ST8SIA4: variants seen among roughly 807,000 people sequenced by gnomAD.
ST8SIA4 encodes ST8 alpha-N-acetyl-neuraminide alpha-2,8-sialyltransferase 4.
Under a neutral mutation model 33.9 loss-of-function variants are expected in ST8SIA4, and 15 were observed. That is an observed-to-expected ratio of 0.44 (90% CI 0.30 to 0.68). The LOEUF (loss-of-function observed/expected upper bound fraction) is 0.68. Among genes scored for constraint, ST8SIA4 ranks in the 30% least tolerant of loss-of-function variants. The pLI is 0.10. For missense variants in ST8SIA4, 321 were observed against 428.0 expected, an observed-to-expected ratio of 0.75 and a Z score of 2.21; for synonymous variants, 171 against 151.2, an observed-to-expected ratio of 1.13 and a Z score of -0.96.
At chr5:100,901,023 C>T (rs983940872) in intron 1 of ST8SIA4, among the ~76,000 whole-genome samples, 32 of 152,232 alleles carry the variant, frequency 2.1e-4, no homozygotes, top group African/African-American at 6.0e-4. Flanking sequence ...ACTAGCTCAA[C>T]CGCCGCGCCA....
Position 100,810,982 on chromosome 5 carries a change from C to T in ST8SIA4, c.*865G>A, listed in dbSNP as rs1750803814. 1 of 152,238 alleles carries T rather than the reference C, an allele frequency of 6.6e-6. No homozygotes were observed. The highest frequency in any genetic ancestry group is 1.5e-5 in the Non-Finnish European group (1 of 68,092). 9.4% of individuals were successfully genotyped at this position (152,238 alleles called of 1,614,324 possible). The stretch of plus-strand genomic sequence containing the variant: ...CACGAGGTCAGGAGATTGAGACCAT[C>T]CTGGCTAACACGGTGAAAATCCGTC... On this transcript the variant is annotated 3_prime_UTR_variant, in exon 5 of 5. Coordinates refer to ENST00000231461, the MANE Select transcript of ST8SIA4 (RefSeq NM_005668.6).
Position 100,834,053 on chromosome 5 carries a change from T to A in ST8SIA4, c.798-21924A>T, listed in dbSNP as rs537334070. On this transcript the variant is annotated intron_variant, in intron 4 of 4. Coordinates refer to ENST00000231461, the MANE Select transcript of ST8SIA4 (RefSeq NM_005668.6). ...GGATATTGAAGAGATTAGGATATCA[T>A]CTTAATCAAATGAGTGCTAATATAA... 7.2e-5 allele frequency among the ~76,000 whole-genome samples: 11 copies of A among 152,308 alleles called. No individual in the cohort carries two copies. In the South Asian group the frequency reaches 1.2e-3, roughly 17 times the overall value.
At chr5:100,844,257 T>C (rs1222121552) in intron 4 of ST8SIA4, among the ~76,000 whole-genome samples, 2 of 152,090 alleles carry the variant, frequency 1.3e-5, no homozygotes, top group East Asian at 3.9e-4. Flanking sequence ...GTGATTTGAT[T>C]GATCTCAAAA....
intron 2 of ST8SIA4, among the ~76,000 whole-genome samples, chr5:100,890,022 G>GT (rs1167761462): frequency 6.6e-6 from 1 of 151,744 alleles, no homozygotes; most frequent in Non-Finnish European, 1.5e-5. Flanking sequence ...TTGTTTGTTT[G>GT]TTTTTTCTTA....
intron 3 of ST8SIA4, among the ~76,000 whole-genome samples, chr5:100,857,676 A>G (rs1751846974): frequency 1.3e-5 from 2 of 151,974 alleles, no homozygotes; most frequent in Admixed American, 1.3e-4. Flanking sequence ...TAAACATTTT[A>G]ATTAAAAAGT....
chr5:100,885,371 G>T lies in ST8SIA4; in HGVS notation c.503+972C>A. 3 of 964,690 alleles carry T rather than the reference G, an allele frequency of 3.1e-6. 1 individual carries two copies. Among genetic ancestry groups the T allele is most frequent in the Non-Finnish European group, 3.7e-6 (3 of 810,718 alleles). 59.8% of individuals were successfully genotyped at this position (964,690 alleles called of 1,614,324 possible). ...GAATTTTCTTCACTTGATAATGCTT[G>T]AGTGTGATTTCTCATGACTTTTTTT... On this transcript the variant is annotated intron_variant, in intron 3 of 4. Transcript: ENST00000231461.
chr5:100,856,421 C>T, intron 3 of ST8SIA4, 25 bp from the exon 4 acceptor site: 1 of 1,536,960 alleles, frequency 6.5e-7, no homozygotes. Flanking sequence ...ATTAATGGGA[C>T]AAATGAAAAA....
intron 2 of ST8SIA4, among the ~76,000 whole-genome samples, chr5:100,887,766 T>C (rs1752571086): frequency 6.6e-6 from 1 of 152,064 alleles, no homozygotes; most frequent in African/African-American, 2.4e-5. Flanking sequence ...AAAATGTGTC[T>C]GTATGTTCGT....
chr5:100,811,732 T>C lies in ST8SIA4; in HGVS notation c.*115A>G. ...TCGATTTCTCATGAACGTCCTTTAT[T>C]CACCTTTCAGTTCATTGGTGGATGC... On this transcript the variant is annotated 3_prime_UTR_variant, in exon 5 of 5. Transcript: ENST00000231461. 1 of 1,041,362 alleles carries C rather than the reference T, an allele frequency of 9.6e-7. No homozygotes were observed. The highest frequency in any genetic ancestry group is 1.4e-6 in the Non-Finnish European group (1 of 728,308). The allele number at this position is 1,041,362 out of a possible 1,614,324, so 64.5% of individuals were successfully genotyped here.
intron 3 of ST8SIA4, among the ~76,000 whole-genome samples, chr5:100,867,734 T>C (rs1385295908): frequency 1.3e-5 from 2 of 152,034 alleles, no homozygotes; most frequent in African/African-American, 4.8e-5. Flanking sequence ...TTTGAAAGTA[T>C]AACCCAAGGT....
intron 3 of ST8SIA4, among the ~76,000 whole-genome samples, chr5:100,880,967 C>T (rs1453773051): frequency 1.3e-5 from 2 of 152,136 alleles, no homozygotes; most frequent in African/African-American, 4.8e-5. Flanking sequence ...ACACATATAT[C>T]TACATTCACT....
intron 3 of ST8SIA4, among the ~76,000 whole-genome samples, chr5:100,883,302 C>T (rs1256532913): frequency 6.6e-6 from 1 of 152,128 alleles, no homozygotes; most frequent in East Asian, 1.9e-4. Flanking sequence ...CTAGCACAGG[C>T]CCTGTAACCT....
intron 2 of ST8SIA4, among the ~76,000 whole-genome samples, chr5:100,888,746 A>C (rs1226609581): frequency 6.6e-6 from 1 of 151,888 alleles, no homozygotes; most frequent in East Asian, 1.9e-4. Context: ...AAAGTAACTC[A>C]TATCTTTTCT....
chr5:100,891,306 T>C (rs1273834827), intron 2 of ST8SIA4, among the ~76,000 whole-genome samples: 1 of 151,970 alleles, frequency 6.6e-6, no homozygotes, highest in African/African-American at 2.4e-5. Context: ...TAAATTAAGT[T>C]AGTACTGACC....
intron 4 of ST8SIA4, among the ~76,000 whole-genome samples, chr5:100,826,871 A>G (rs534019399): frequency 6.6e-6 from 1 of 151,866 alleles, no homozygotes; most frequent in South Asian, 2.1e-4. Flanking sequence ...TATATAATAC[A>G]TTAATACATC....
At position 100,812,921 on chromosome 5, in the gene ST8SIA4, G is replaced by T. The variant is rs114289739; in HGVS notation, c.798-792C>A. Among the ~76,000 whole-genome samples the T allele has an allele frequency of 5.9e-3, 892 of 152,134 alleles. 6 individuals are homozygous for T. The highest frequency in any genetic ancestry group is 0.019 in the African/African-American group (802 of 41,530). ...TTTCTTGGCATATTCATTTCCTTAA[G>T]GACAATGACCTTTTTTGAAAACAGC... On this transcript the variant is annotated intron_variant, in intron 4 of 4. Coordinates refer to ENST00000231461, the MANE Select transcript of ST8SIA4 (RefSeq NM_005668.6).
intron 3 of ST8SIA4, among the ~76,000 whole-genome samples, chr5:100,868,957 A>G (rs919783170): frequency 6.6e-6 from 1 of 152,152 alleles, no homozygotes; most frequent in African/African-American, 2.4e-5. Flanking sequence ...ATAAGTTAGT[A>G]AAGCTACACA....
At chr5:100,864,133 A>T (rs1159553168) in intron 3 of ST8SIA4, among the ~76,000 whole-genome samples, 2 of 152,228 alleles carry the variant, frequency 1.3e-5, no homozygotes, top group Non-Finnish European at 2.9e-5. Context: ...AAATGATAAG[A>T]CATCATAAAG....
intron 4 of ST8SIA4, among the ~76,000 whole-genome samples, chr5:100,812,362 C>T (rs1490174988): frequency 6.6e-6 from 1 of 151,656 alleles, no homozygotes; most frequent in East Asian, 1.9e-4. Flanking sequence ...CCCAAGGGAC[C>T]TGGAATGTAG....
Sources: allele counts gnomAD v4.1 joint callset (sites outside exome capture counted in the v4.1 genomes callset), GRCh38; gene constraint gnomAD v4.1.1; transcripts MANE v1.5; gene names NCBI Gene and HGNC (gene_info 2026-07-23, HGNC 2026-07-21).